RUNX1: variants seen among roughly 807,000 people sequenced by gnomAD.
RUNX1 encodes runt-related transcription factor 1.
Under a neutral mutation model 42.8 loss-of-function variants are expected in RUNX1, and 19 were observed. The ratio of observed to expected loss-of-function variants is 0.44; its 90% confidence interval spans 0.31 to 0.65. RUNX1 has a LOEUF of 0.65. Ranked by LOEUF, RUNX1 falls within the 30% of genes least tolerant of loss-of-function variation. The probability of loss-of-function intolerance (pLI) is 0.07; values close to 1 mark genes in which losing one functional copy is unlikely to be tolerated. For synonymous variants in RUNX1, 271 were observed against 289.4 expected (o/e 0.94, Z 0.64); for missense variants, 528 against 672.0 (o/e 0.79, Z 2.37).
At chr21:34,876,904 TGGAGTGCAGTGG>T (rs2057822207) in intron 5 of RUNX1, among the ~76,000 whole-genome samples, 1 of 152,190 alleles carries the variant, frequency 6.6e-6, no homozygotes, top group Non-Finnish European at 1.5e-5. Flanking sequence ...TTGCCCAGAC[TGGAGTGCAGTGG>T]CGCAACCTCG....
chr21:34,967,124 G>T (rs1308575673), intron 2 of RUNX1, among the ~76,000 whole-genome samples: 13 of 151,382 alleles, frequency 8.6e-5, no homozygotes, highest in African/African-American at 2.2e-4. Flanking sequence ...ATCGAGACCA[G>T]CCTGGCCAAC....
At chr21:34,908,964 T>C (rs533732179) in intron 2 of RUNX1, among the ~76,000 whole-genome samples, 66 of 151,184 alleles carry the variant, frequency 4.4e-4, no homozygotes, top group Non-Finnish European at 8.8e-4. Flanking sequence ...TGTGTGTATG[T>C]GTGTGCTAGG....
At chr21:34,865,499 C>T (rs949119057) in intron 5 of RUNX1, among the ~76,000 whole-genome samples, 8 of 145,526 alleles carry the variant, frequency 5.5e-5, no homozygotes, top group East Asian at 1.9e-4. Context: ...TCTCCCTCGA[C>T]GCCAGTGTGT....
intron 3 of RUNX1, chr21:34,888,612 G>A (rs1259835784): frequency 9.5e-7 from 1 of 1,057,582 alleles, no homozygotes; most frequent in South Asian, 4.6e-5. Context: ...GTGCCTGGCG[G>A]CGCAGGGCCG....
chr21:34,797,434 C>T (rs1185679262), intron 8 of RUNX1, among the ~76,000 whole-genome samples: 9 of 152,144 alleles, frequency 5.9e-5, no homozygotes, highest in Non-Finnish European at 1.0e-4. Context: ...GGAGTTGGCC[C>T]CTAGGGTTCT....
At chr21:34,793,274 TATA>T (rs2056476236) in intron 8 of RUNX1, among the ~76,000 whole-genome samples, 1 of 152,068 alleles carries the variant, frequency 6.6e-6, no homozygotes, top group Non-Finnish European at 1.5e-5. Context: ...TATACAGTAA[TATA>T]ATACGGTAAT....
At chr21:34,921,727 G>A (rs367929404) in intron 2 of RUNX1, among the ~76,000 whole-genome samples, 1 of 152,072 alleles carries the variant, frequency 6.6e-6, no homozygotes, top group Non-Finnish European at 1.5e-5. Flanking sequence ...CTGCCTCCGG[G>A]TTCAAGCCAT....
At chr21:34,954,948 G>A (rs901889136) in intron 2 of RUNX1, among the ~76,000 whole-genome samples, 4 of 152,188 alleles carry the variant, frequency 2.6e-5, no homozygotes, top group African/African-American at 9.7e-5. Flanking sequence ...GAGAGGTGGT[G>A]CACCTTTGAT....
intron 7 of RUNX1, among the ~76,000 whole-genome samples, chr21:34,820,677 G>A (rs929329164): frequency 2.6e-5 from 4 of 151,548 alleles, no homozygotes; most frequent in South Asian, 2.1e-4. Flanking sequence ...TCCTTAGCAC[G>A]AATTCAACCT....
chr21:34,834,712 CT>C, intron 6 of RUNX1, 111 bp from the exon 7 acceptor site: 2 of 932,054 alleles, frequency 2.1e-6, no homozygotes. Flanking sequence ...TGTCTTTCCC[CT>C]CTCTCTCCCC....
At chr21:34,992,117 T>C (rs950958451) in intron 2 of RUNX1, among the ~76,000 whole-genome samples, 1 of 152,230 alleles carries the variant, frequency 6.6e-6, no homozygotes, top group African/African-American at 2.4e-5. Context: ...ATGGCAAGCA[T>C]GGGAAAGTAA....
At chr21:35,038,863 C>A in intron 2 of RUNX1, 2 of 395,232 alleles carry the variant, frequency 5.1e-6, no homozygotes, top group Non-Finnish European at 5.1e-6. Flanking sequence ...CATGGATGTG[C>A]ACATTGGCTG....
At chr21:34,982,068 G>C (rs962389561) in intron 2 of RUNX1, among the ~76,000 whole-genome samples, 2 of 152,206 alleles carry the variant, frequency 1.3e-5, no homozygotes, top group Non-Finnish European at 2.9e-5. Flanking sequence ...TGGAGGAGCC[G>C]TACAGACAGA....
intron 2 of RUNX1, among the ~76,000 whole-genome samples, chr21:34,978,561 T>C (rs1208641914): frequency 6.6e-6 from 1 of 152,246 alleles, no homozygotes; most frequent in Admixed American, 6.5e-5. Context: ...TGGGAGACCA[T>C]TACTTTATTG....
chr21:35,048,924 C>T lies in RUNX1; in HGVS notation c.-25G>A, dbSNP rs771560395. On this transcript the variant is annotated 5_prime_UTR_variant, in exon 2 of 9. Coordinates refer to ENST00000675419, the MANE Select transcript of RUNX1 (RefSeq NM_001754.5). ...TCGCTTCCTCCTGAAAATGCACCCT[C>T]TTCTGAAGGCGGGGGACTCAATGAT... The T allele has an allele frequency of 3.1e-6, 5 of 1,609,530 alleles. No homozygotes were observed. In the East Asian group the frequency reaches 6.7e-5, roughly 22 times the overall value.
intron 2 of RUNX1, among the ~76,000 whole-genome samples, chr21:34,997,628 A>G (rs1377717127): frequency 6.6e-6 from 1 of 152,212 alleles, no homozygotes; most frequent in Non-Finnish European, 1.5e-5. Context: ...GAGACTTTCA[A>G]AGAGAGGGGC....
chr21:34,884,597 G>C lies in RUNX1; in HGVS notation c.351+2246C>G, dbSNP rs553969824. Among the ~76,000 whole-genome samples the C allele has an allele frequency of 2.0e-5, 3 of 152,212 alleles. No homozygotes were observed. In the South Asian group the frequency reaches 6.2e-4, roughly 32 times the overall value. On this transcript the variant is annotated intron_variant, in intron 4 of 8. Coordinates refer to ENST00000675419, the MANE Select transcript of RUNX1 (RefSeq NM_001754.5). ...CCAGGGACACACACTAAATGAGCCCGGGATGTAGGCAGGTTTTGATGTTTT... is the reference window on the plus strand; with the variant it reads ...CCAGGGACACACACTAAATGAGCCCCGGATGTAGGCAGGTTTTGATGTTTT...
At chr21:34,956,922 C>T (rs1229510816) in intron 2 of RUNX1, among the ~76,000 whole-genome samples, 2 of 152,224 alleles carry the variant, frequency 1.3e-5, no homozygotes, top group Admixed American at 1.3e-4. Flanking sequence ...ACCCACCAGG[C>T]TTGCTGCAAA....
chr21:35,020,318 G>A (rs1217333187), intron 2 of RUNX1, among the ~76,000 whole-genome samples: 2 of 152,094 alleles, frequency 1.3e-5, no homozygotes, highest in Non-Finnish European at 1.5e-5. Flanking sequence ...ATGGAGCAGA[G>A]ATGAATCCTG....
Sources: allele counts gnomAD v4.1 joint callset (sites outside exome capture counted in the v4.1 genomes callset), GRCh38; gene constraint gnomAD v4.1.1; transcripts MANE v1.5; gene names NCBI Gene and HGNC (gene_info 2026-07-23, HGNC 2026-07-21).